Variants in CNRIP1 observed in about 807,000 individuals in gnomAD.
CNRIP1 encodes the protein cannabinoid receptor interacting protein 1, also known as CB1 cannabinoid receptor-interacting protein 1.
CNRIP1 carries 10 observed loss-of-function variants against 15.2 expected under a neutral mutation model. The ratio of observed to expected loss-of-function variants is 0.66; its 90% CI spans 0.41 to 1.12. The LOEUF is 1.12. Ranked by LOEUF, CNRIP1 falls within the 50% of genes most tolerant of loss-of-function variation. CNRIP1 has a pLI of 0.00. For missense variants in CNRIP1, 211 were observed against 214.7 expected (o/e 0.98, Z 0.11); for synonymous variants, 91 against 83.2 (o/e 1.09, Z -0.51).
At chr2:68,302,924 G>A (rs888004748) in intron 2 of CNRIP1, among the ~76,000 whole-genome samples, 1 of 140,332 alleles carries the variant, frequency 7.1e-6, no homozygotes, top group Non-Finnish European at 1.5e-5. Flanking sequence ...TCGGCTCACT[G>A]CAGGCTCCGC....
At chr2:68,317,130 A>G (rs1573040503) in intron 2 of CNRIP1, 27 bp downstream of exon 2, 1 of 1,613,810 alleles carries the variant, frequency 6.2e-7, no homozygotes, top group South Asian at 1.1e-5. Flanking sequence ...ATGGCACCAT[A>G]CTCCTATACC....
chr2:68,299,181 T>A (rs1035027231), intron 2 of CNRIP1, among the ~76,000 whole-genome samples: 13 of 152,152 alleles, frequency 8.5e-5, no homozygotes, highest in African/African-American at 2.4e-4. Flanking sequence ...ATTCCTAGCT[T>A]AGGAGCTATT....
At chr2:68,302,886 G>T (rs1023662711) in intron 2 of CNRIP1, among the ~76,000 whole-genome samples, 2 of 130,498 alleles carry the variant, frequency 1.5e-5, no homozygotes, top group Admixed American at 9.1e-5. Flanking sequence ...TCTCCCTGTC[G>T]CCCAGGCTGG....
chr2:68,310,225 G>A (rs576564479), intron 2 of CNRIP1, among the ~76,000 whole-genome samples: 4 of 152,338 alleles, frequency 2.6e-5, no homozygotes, highest in Admixed American at 6.5e-5. Flanking sequence ...CTACTCTGGC[G>A]GCTGAGGCAG....
chr2:68,318,658 T>G (rs949326830), intron 1 of CNRIP1, among the ~76,000 whole-genome samples: 2 of 152,212 alleles, frequency 1.3e-5, no homozygotes, highest in African/African-American at 4.8e-5. Flanking sequence ...GCCGCTCTCT[T>G]ACTAGTGTCT....
At chr2:68,284,287 T>A in exon 3 of CNRIP1, 1 of 533,378 alleles carries the variant, frequency 1.9e-6, no homozygotes. Flanking sequence ...AAAGGTAGAG[T>A]TTAGGAATCT....
intron 2 of CNRIP1, among the ~76,000 whole-genome samples, chr2:68,312,759 A>G (rs1217702449): frequency 4.6e-5 from 7 of 152,184 alleles, no homozygotes; most frequent in South Asian, 2.1e-4. Flanking sequence ...TCAGGATTCA[A>G]TATCAATATA....
At chr2:68,312,637 A>G (rs899062289) in intron 2 of CNRIP1, among the ~76,000 whole-genome samples, 4 of 152,184 alleles carry the variant, frequency 2.6e-5, no homozygotes, top group Non-Finnish European at 5.9e-5. Context: ...AATAAAATGA[A>G]TACAGATTGG....
intron 2 of CNRIP1, among the ~76,000 whole-genome samples, chr2:68,287,688 A>G (rs1671063452): frequency 1.3e-5 from 2 of 152,232 alleles, no homozygotes; most frequent in Admixed American, 1.3e-4. Flanking sequence ...TCAGCCTGAA[A>G]TGACATGTGT....
intron 2 of CNRIP1, among the ~76,000 whole-genome samples, chr2:68,287,380 G>A (rs1671056836): frequency 6.6e-6 from 1 of 152,208 alleles, no homozygotes; most frequent in Non-Finnish European, 1.5e-5. Context: ...ATAAAGGACA[G>A]ATAAGGGATA....
intron 2 of CNRIP1, among the ~76,000 whole-genome samples, chr2:68,297,979 A>C (rs956552786): frequency 6.6e-6 from 1 of 152,212 alleles, no homozygotes; most frequent in African/African-American, 2.4e-5. Context: ...TTTCTACAAT[A>C]AATGTTACTT....
intron 2 of CNRIP1, among the ~76,000 whole-genome samples, chr2:68,314,012 C>T (rs1347112403): frequency 6.6e-6 from 1 of 152,018 alleles, no homozygotes; most frequent in East Asian, 1.9e-4. Flanking sequence ...TCTTTCTTTC[C>T]TCAACTCTTA....
chr2:68,297,920 A>G (rs1573013416), intron 2 of CNRIP1, among the ~76,000 whole-genome samples: 2 of 152,302 alleles, frequency 1.3e-5, no homozygotes, highest in Admixed American at 1.3e-4. Flanking sequence ...AATGAAAAAT[A>G]TTACCTTCTA....
Position 68,293,667 on chromosome 2 carries a change from G to A in CNRIP1, c.*195C>T. On this transcript the variant is annotated 3_prime_UTR_variant, in exon 3 of 3. Coordinates refer to ENST00000263655, the MANE Select transcript of CNRIP1 (RefSeq NM_015463.3). ...TACAGATGGGAATATTCTCGGGAGT[G>A]GTACATCACCATCTTGTATGTGAGG... The A allele has an allele frequency of 7.6e-7, 1 of 1,318,570 alleles. No individual in the cohort carries two copies. Among genetic ancestry groups the A allele is most frequent in the Non-Finnish European group, 9.7e-7 (1 of 1,027,890 alleles). 81.7% of individuals were successfully genotyped at this position (1,318,570 alleles called of 1,614,324 possible).
chr2:68,300,193 A>G (rs1454539723), intron 2 of CNRIP1, among the ~76,000 whole-genome samples: 2 of 152,198 alleles, frequency 1.3e-5, no homozygotes, highest in African/African-American at 2.4e-5. Flanking sequence ...ACTTTTCCTA[A>G]GTGATTGTGC....
chr2:68,308,669 G>A (rs918236791), intron 2 of CNRIP1, among the ~76,000 whole-genome samples: 1 of 152,100 alleles, frequency 6.6e-6, no homozygotes, highest in Non-Finnish European at 1.5e-5. Context: ...ATGATGGTCT[G>A]AAATATAAGC....
At chr2:68,294,497 A>T (rs1163243465) in intron 2 of CNRIP1, among the ~76,000 whole-genome samples, 1 of 152,186 alleles carries the variant, frequency 6.6e-6, no homozygotes, top group Non-Finnish European at 1.5e-5. Context: ...CTCTAAAACA[A>T]ACCCCCATGT....
intron 2 of CNRIP1, among the ~76,000 whole-genome samples, chr2:68,313,751 T>G (rs1018144863): frequency 6.6e-6 from 1 of 152,168 alleles, no homozygotes; most frequent in Non-Finnish European, 1.5e-5. Context: ...CCTATGTAAC[T>G]GTAAAGTTGG....
intron 2 of CNRIP1, among the ~76,000 whole-genome samples, chr2:68,307,855 A>T (rs1015782163): frequency 1.3e-5 from 2 of 149,544 alleles, no homozygotes; most frequent in African/African-American, 5.1e-5. Flanking sequence ...AAGTATACAA[A>T]CAATCTTACA....
Sources: gnomAD v4.1 joint callset for allele counts (sites outside exome capture counted in the v4.1 genomes callset) on GRCh38, gnomAD v4.1.1 for gene constraint, MANE v1.5 for transcripts, NCBI Gene and HGNC (gene_info 2026-07-23, HGNC 2026-07-21) for gene names.